Variants in NOL7 observed in about 807,000 individuals in gnomAD.
The protein encoded by NOL7 is nucleolar protein 7.
NOL7 carries 36 observed loss-of-function variants against 38.4 expected under a neutral mutation model. The ratio of observed to expected loss-of-function variants is 0.94; its 90% CI spans 0.72 to 1.24. The LOEUF (loss-of-function observed/expected upper bound fraction) is 1.24, where lower values mean the gene tolerates loss of function less well. Ranked by LOEUF, NOL7 falls within the 50% of genes most tolerant of loss-of-function variation. The probability of loss-of-function intolerance (pLI) is 0.00; values close to 1 mark genes in which losing one functional copy is unlikely to be tolerated. For synonymous variants in NOL7, 142 were observed against 126.5 expected (o/e 1.12, Z -0.82); for missense variants, 350 against 315.1 (o/e 1.11, Z -0.84).
At chr6:13,630,687 G>A (rs1764754739) in intron 8 of NOL7, among the ~76,000 whole-genome samples, 2 of 152,108 alleles carry the variant, frequency 1.3e-5, no homozygotes, top group African/African-American at 2.4e-5. Context: ...CATTTCCTCT[G>A]ACTATATAGT....
At chr6:13,632,052 T>C (rs1764796494) in intron 8 of NOL7, among the ~76,000 whole-genome samples, 1 of 136,304 alleles carries the variant, frequency 7.3e-6, no homozygotes, top group Admixed American at 7.7e-5. Context: ...GCTGAGAAAA[T>C]AAAACTAAGA....
Position 13,620,768 on chromosome 6 carries a change from C to G in NOL7, c.715C>G (p.Gln239Glu). ...TTATATTCTAGGAATCCAAAAAAAACAAAATGCCAAGAGGTTTAAAAGACG... is the reference window on the plus strand; with the variant it reads ...TTATATTCTAGGAATCCAAAAAAAAGAAAATGCCAAGAGGTTTAAAAGACG... ...LNNAWGIQKK[Q>E]NAKRFKRRWM... Residue 239 changes from glutamine to glutamate, a missense_variant, in exon 8 of 8, where the codon CAA becomes GAA. Physicochemically the swap from Gln to Glu is conservative, Grantham distance 29. Transcript: ENST00000451315. The G allele has an allele frequency of 1.3e-6, 2 of 1,594,724 alleles. No individual in the cohort carries two copies. The highest frequency in any genetic ancestry group is 1.7e-6 in the Non-Finnish European group (2 of 1,171,842).
At chr6:13,620,691 A>T in intron 7 of NOL7, 63 bp from the exon 8 acceptor site, 1 of 1,140,296 alleles carries the variant, frequency 8.8e-7, no homozygotes, top group Non-Finnish European at 1.3e-6. Flanking sequence ...CATATAGAGT[A>T]ATTAAAAAAA....
chr6:13,617,571 C>A (rs984156507), intron 3 of NOL7, among the ~76,000 whole-genome samples, 199 bp from the exon 4 acceptor site: 1 of 152,212 alleles, frequency 6.6e-6, no homozygotes, highest in Non-Finnish European at 1.5e-5. Flanking sequence ...CTGTGAAGAT[C>A]TTCCAATGCT....
chr6:13,620,594 T>G, intron 7 of NOL7, 109 bp downstream of exon 7: 1 of 1,157,966 alleles, frequency 8.6e-7, no homozygotes, highest in Non-Finnish European at 1.3e-6. Context: ...ATGGCTTATA[T>G]ATTAAGTTAC....
At position 13,618,061 on chromosome 6, in the gene NOL7, AT is replaced by A; in HGVS notation, c.425del (p.Leu142CysfsTer34). 1 of 1,497,496 alleles carries A rather than the reference AT, an allele frequency of 6.7e-7. No homozygotes were observed. The highest frequency in any genetic ancestry group is 9.2e-7 in the Non-Finnish European group (1 of 1,083,984). The allele number at this position is 1,497,496 out of a possible 1,614,324, so 92.8% of individuals were successfully genotyped here. A position where few individuals can be genotyped will look rare whatever the true frequency, so the allele number is the denominator to read the frequency against. Reference protein sequence around the residue: ...KKSPGKVKEVNLQKKNEDCEK... With the variant: ...KKSPGKVKEVXLQKKNEDCEK... ...AAAATGTAACTCTATTTTTTAGTTA[AT>A]TTGCAAAAGAAAAATGAAGACTGTG... On this transcript the variant is annotated frameshift_variant, in exon 5 of 8. Transcript: ENST00000451315. LOFTEE classifies it high-confidence loss of function.
intron 5 of NOL7, among the ~76,000 whole-genome samples, chr6:13,619,359 G>A (rs1437841364): frequency 1.3e-5 from 2 of 152,228 alleles, no homozygotes; most frequent in African/African-American, 2.4e-5. Context: ...TACTGTGGAC[G>A]ATGTCTGTAG....
Position 13,620,818 on chromosome 6 carries a change from TAAG to T in NOL7, c.769_771del (p.Lys257del), listed in dbSNP as rs1265771131. 1.9e-6 allele frequency: 3 copies of T among 1,593,070 alleles called. No individual in the cohort carries two copies. The highest frequency in any genetic ancestry group is 1.1e-5 in the South Asian group (1 of 88,012). ...GGTGGATGGTCAGAAAGATGAAAAC[TAAG>T]AAGTAAATCAATGCTAAATGAAGAA... is the stretch of plus-strand genomic sequence containing the variant. On this transcript the variant is annotated inframe_deletion, in exon 8 of 8. Coordinates refer to ENST00000451315, the MANE Select transcript of NOL7 (RefSeq NM_016167.5).
At chr6:13,626,567 T>C (rs899403028), downstream of NOL7, among the ~76,000 whole-genome samples, 7 of 152,222 alleles carry the variant, frequency 4.6e-5, no homozygotes, top group African/African-American at 1.4e-4. Flanking sequence ...AATCTTTCAA[T>C]AAATGACGTC....
chr6:13,625,702 G>C, downstream of NOL7: 1 of 1,613,378 alleles, frequency 6.2e-7, no homozygotes, highest in Non-Finnish European at 8.5e-7. Context: ...TCTGAATCGG[G>C]TCAAGCTGAT....
rs1228989657 is a variant in NOL7 at position 13,615,712 on chromosome 6, G to A, written c.267G>A (p.Arg89=). ...GCTGACTTATCACCCTTCCTCCCAG[G>A]GATAAAACGCTCCTGAAGGAGAAGA... ...EERRVRETVR[R]DKTLLKEKRK... Residue 89 remains arginine, a splice_region_variant and synonymous_variant, in exon 2 of 8, where the codon AGG becomes AGA. Transcript: ENST00000451315. The A allele has an allele frequency of 6.2e-7, 1 of 1,614,138 alleles. No individual in the cohort carries two copies. Among genetic ancestry groups the A allele is most frequent in the African/African-American group, 1.3e-5 (1 of 74,948 alleles).
chr6:13,619,296 T>C (rs1006291323), intron 5 of NOL7, among the ~76,000 whole-genome samples: 2 of 152,222 alleles, frequency 1.3e-5, no homozygotes, highest in African/African-American at 4.8e-5. Flanking sequence ...ATTCTTATGG[T>C]CTACAGAAGT....
downstream of NOL7, among the ~76,000 whole-genome samples, chr6:13,626,660 C>T (rs116903134): frequency 2.0e-4 from 31 of 152,266 alleles, no homozygotes; most frequent in East Asian, 5.2e-3. Context: ...AACACTCTTA[C>T]CAATTTGGAA....
At chr6:13,616,366 G>C in intron 2 of NOL7, 97 bp from the exon 3 acceptor site, 1 of 779,242 alleles carries the variant, frequency 1.3e-6, no homozygotes, top group South Asian at 1.8e-5. Flanking sequence ...TCTTTGCCTA[G>C]ATGTAGGGCA....
intron 8 of NOL7, among the ~76,000 whole-genome samples, chr6:13,631,463 T>C (rs557321372): frequency 1.3e-5 from 2 of 152,332 alleles, no homozygotes; most frequent in South Asian, 2.1e-4. Flanking sequence ...GAGCATATCC[T>C]TGTGTATCAT....
chr6:13,629,921 CGTGTG>C (rs1764732415), intron 8 of NOL7, among the ~76,000 whole-genome samples: 1 of 128,342 alleles, frequency 7.8e-6, no homozygotes, highest in Non-Finnish European at 1.7e-5. Flanking sequence ...CTCTCTCTCT[CGTGTG>C]TGTGTGTGTG....
rs142086521 is a variant in NOL7 at position 13,619,694 on chromosome 6, GATCT to G, written c.501-509_501-506del. ...AGTCCAGGAACAAGTTCTTCAGTTGGATCTATCTGAGATGCTGATTGTTCAACTG... is the reference window on the plus strand; with the variant it reads ...AGTCCAGGAACAAGTTCTTCAGTTGGATCTGAGATGCTGATTGTTCAACTG... On this transcript the variant is annotated intron_variant, in intron 5 of 7. Coordinates refer to ENST00000451315, the MANE Select transcript of NOL7 (RefSeq NM_016167.5). Among the ~76,000 whole-genome samples, 1,330 of 152,242 alleles carry G rather than the reference GATCT, an allele frequency of 8.7e-3. 14 individuals are homozygous for G. Among genetic ancestry groups the G allele is most frequent in the African/African-American group, 0.028 (1,169 of 41,538 alleles).
chr6:13,632,118 C>CTTTTTTTTT (rs752500098), intron 8 of NOL7, among the ~76,000 whole-genome samples: 4 of 74,966 alleles, frequency 5.3e-5, no homozygotes, highest in Admixed American at 1.9e-4. Context: ...GGATTTAATC[C>CTTTTTTTTT]TTTTTTTTTT....
chr6:13,620,989 A>G lies in NOL7; in HGVS notation c.*162A>G. 1 of 472,722 alleles carries G rather than the reference A, an allele frequency of 2.1e-6. No homozygotes were observed. Among genetic ancestry groups the G allele is most frequent in the Non-Finnish European group, 3.8e-6 (1 of 263,246 alleles). 29.3% of individuals were successfully genotyped at this position (472,722 alleles called of 1,614,324 possible). A position where few individuals can be genotyped will look rare whatever the true frequency, so the allele number is the denominator to read the frequency against. On this transcript the variant is annotated 3_prime_UTR_variant, in exon 8 of 8. Coordinates refer to ENST00000451315, the MANE Select transcript of NOL7 (RefSeq NM_016167.5). ...GAGTAGAACTGTGCCTTGCAATCCT[A>G]GAGGAAAAAGTGGTTTAAGAAGGAA... is the stretch of plus-strand genomic sequence containing the variant.
Sources: gnomAD v4.1 joint callset for allele counts (sites outside exome capture counted in the v4.1 genomes callset) on GRCh38, gnomAD v4.1.1 for gene constraint, MANE v1.5 for transcripts, NCBI Gene and HGNC (gene_info 2026-07-23, HGNC 2026-07-21) for gene names.